SETBP1: variants seen among roughly 807,000 people sequenced by gnomAD.
SETBP1 encodes SET-binding protein.
SETBP1 carries 9 observed loss-of-function variants against 101.0 expected under a neutral mutation model. That is an observed-to-expected ratio of 0.09 (90% CI 0.05 to 0.16). SETBP1 has a LOEUF of 0.16. Ranked by LOEUF, SETBP1 falls within the 10% of genes least tolerant of loss-of-function variation. The pLI is 1.00. For missense variants in SETBP1, 1,858 were observed against 2,033.8 expected (o/e 0.91, Z 1.66); for synonymous variants, 818 against 788.5 (o/e 1.04, Z -0.63).
At chr18:44,879,215 T>C (rs965917499) in intron 3 of SETBP1, among the ~76,000 whole-genome samples, 1 of 152,230 alleles carries the variant, frequency 6.6e-6, no homozygotes, top group Non-Finnish European at 1.5e-5. Context: ...CTGTATCCAG[T>C]ATCAAGCACA....
Position 45,002,930 on chromosome 18 carries a change from C to T in SETBP1, c.4001-35555C>T, listed in dbSNP as rs540085530. Among the ~76,000 whole-genome samples the T allele has an allele frequency of 8.5e-5, 13 of 152,180 alleles. No individual in the cohort carries two copies. In the South Asian group the frequency reaches 2.5e-3, roughly 29 times the overall value. On this transcript the variant is annotated intron_variant, in intron 4 of 5. Transcript: ENST00000649279. Reference sequence around the variant, plus strand: ...CTCTTTGAGGATTGATAGTTAAGAACTTGGGTTGTTGGGGTGGAGGTGGGA... The same window carrying T: ...CTCTTTGAGGATTGATAGTTAAGAATTTGGGTTGTTGGGGTGGAGGTGGGA...
intron 4 of SETBP1, among the ~76,000 whole-genome samples, chr18:45,013,315 G>A (rs1464737951): frequency 6.6e-6 from 1 of 152,176 alleles, no homozygotes; most frequent in Non-Finnish European, 1.5e-5. Flanking sequence ...CAGCCCAGTG[G>A]GAATTTGCTC....
chr18:44,783,862 A>G (rs1438851006), intron 2 of SETBP1, among the ~76,000 whole-genome samples: 1 of 152,230 alleles, frequency 6.6e-6, no homozygotes, highest in African/African-American at 2.4e-5. Flanking sequence ...CATGGTGCTA[A>G]TGGCACTAAT....
Position 45,060,537 on chromosome 18 carries a change from TA to T in SETBP1, c.4172-2532del, listed in dbSNP as rs556299167. ...AGCTCCATCTGTAATGTTTTCTTAT[TA>T]AAAAAAAAATGACAAAAAGTTAACA... On this transcript the variant is annotated intron_variant, in intron 5 of 5. Transcript: ENST00000649279. Among the ~76,000 whole-genome samples the T allele has an allele frequency of 2.2e-3, 329 of 149,736 alleles. 2 individuals are homozygous for T. Among genetic ancestry groups the T allele is most frequent in the African/African-American group, 3.7e-3 (153 of 40,910 alleles).
intron 3 of SETBP1, among the ~76,000 whole-genome samples, chr18:44,938,461 A>G (rs1172020623): frequency 2.6e-5 from 4 of 152,268 alleles, no homozygotes; most frequent in African/African-American, 9.6e-5. Context: ...AATGGTGCAG[A>G]TGTTTTAAAA....
intron 3 of SETBP1, among the ~76,000 whole-genome samples, chr18:44,937,006 C>T (rs2070972923): frequency 6.6e-6 from 1 of 152,050 alleles, no homozygotes; most frequent in Non-Finnish European, 1.5e-5. Flanking sequence ...CACCCTAGAC[C>T]CTATTTCTGC....
intron 2 of SETBP1, among the ~76,000 whole-genome samples, chr18:44,786,451 G>A (rs1046964853): frequency 1.1e-4 from 17 of 152,254 alleles, no homozygotes; most frequent in Middle Eastern, 6.8e-3. Context: ...CCTAATTATG[G>A]AACTACTGTG....
chr18:44,799,248 A>T (rs2071546853), intron 2 of SETBP1, among the ~76,000 whole-genome samples: 1 of 152,138 alleles, frequency 6.6e-6, no homozygotes, highest in Non-Finnish European at 1.5e-5. Flanking sequence ...CCTTTGTGTA[A>T]GAGTGGACAG....
intron 2 of SETBP1, among the ~76,000 whole-genome samples, chr18:44,798,603 G>A (rs1264013721): frequency 6.6e-6 from 1 of 152,134 alleles, no homozygotes; most frequent in African/African-American, 2.4e-5. Context: ...TCCCCTTTAT[G>A]AGGAAAGTCA....
chr18:44,954,643 G>A (rs1308976155), intron 4 of SETBP1, among the ~76,000 whole-genome samples: 1 of 152,190 alleles, frequency 6.6e-6, no homozygotes, highest in Non-Finnish European at 1.5e-5. Context: ...ACTAGCCTGT[G>A]AGTTGTAGTG....
At chr18:44,865,829 G>A (rs2069116493) in intron 2 of SETBP1, among the ~76,000 whole-genome samples, 1 of 152,214 alleles carries the variant, frequency 6.6e-6, no homozygotes, top group Non-Finnish European at 1.5e-5. Context: ...GACGCATTGT[G>A]AGATGTCACA....
chr18:44,853,662 T>A (rs963283467), intron 2 of SETBP1, among the ~76,000 whole-genome samples: 77 of 152,210 alleles, frequency 5.1e-4, no homozygotes, highest in African/African-American at 1.8e-3. Flanking sequence ...CACAAGTGAA[T>A]AAATTGAGCT....
chr18:44,855,261 T>A (rs661251), intron 2 of SETBP1, among the ~76,000 whole-genome samples: 3 of 151,162 alleles, frequency 2.0e-5, no homozygotes, highest in African/African-American at 7.3e-5. Context: ...GGACTTTGGG[T>A]TTTTTTTTGG....
intron 3 of SETBP1, among the ~76,000 whole-genome samples, chr18:44,921,497 G>A (rs1272385413): frequency 6.6e-6 from 1 of 152,074 alleles, no homozygotes; most frequent in East Asian, 1.9e-4. Flanking sequence ...GAAGCATGGA[G>A]TTCTCCCAAA....
At chr18:44,971,864 G>A (rs1375878487) in intron 4 of SETBP1, among the ~76,000 whole-genome samples, 5 of 152,142 alleles carry the variant, frequency 3.3e-5, no homozygotes, top group Non-Finnish European at 5.9e-5. Flanking sequence ...TTGCTGTGCA[G>A]AAGCTCTTTA....
chr18:44,718,291 T>C (rs1292212976), intron 2 of SETBP1, among the ~76,000 whole-genome samples: 5 of 152,142 alleles, frequency 3.3e-5, no homozygotes. Flanking sequence ...GCCCTCATGC[T>C]CAGCCCTGCC....
At chr18:45,030,870 T>C (rs1393376755) in intron 4 of SETBP1, among the ~76,000 whole-genome samples, 2 of 152,160 alleles carry the variant, frequency 1.3e-5, no homozygotes, top group African/African-American at 4.8e-5. Context: ...CCCTTTATCA[T>C]TTTTTATTGC....
intron 4 of SETBP1, among the ~76,000 whole-genome samples, chr18:44,991,649 G>A (rs1442883557): frequency 6.6e-6 from 1 of 152,088 alleles, no homozygotes; most frequent in Non-Finnish European, 1.5e-5. Context: ...ACTATATAAA[G>A]TAAAGATGAC....
chr18:44,974,050 GAAGTAA>G (rs1377537314), intron 4 of SETBP1, among the ~76,000 whole-genome samples: 1 of 152,150 alleles, frequency 6.6e-6, no homozygotes, highest in Admixed American at 6.5e-5. Flanking sequence ...TTTTAAAAAT[GAAGTAA>G]AAATAAAGTG....
Sources: gnomAD v4.1 joint callset for allele counts (sites outside exome capture counted in the v4.1 genomes callset) on GRCh38, gnomAD v4.1.1 for gene constraint, MANE v1.5 for transcripts, NCBI Gene and HGNC (gene_info 2026-07-23, HGNC 2026-07-21) for gene names.